RNGTT: variants seen among roughly 807,000 people sequenced by gnomAD.
RNGTT encodes RNA guanylyltransferase and 5'-phosphatase.
A neutral mutation model predicts 79.3 loss-of-function variants in RNGTT; 33 were observed. The ratio of observed to expected loss-of-function variants is 0.42; its 90% CI spans 0.32 to 0.56. RNGTT has a LOEUF of 0.56. Ranked by LOEUF, RNGTT falls within the 20% of genes least tolerant of loss-of-function variation. The pLI, the probability that RNGTT is intolerant of heterozygous loss-of-function variation, is 0.17. For missense variants in RNGTT, 497 were observed against 739.1 expected, an observed-to-expected ratio of 0.67 and a Z score of 3.80; for synonymous variants, 222 against 235.9, an observed-to-expected ratio of 0.94 and a Z score of 0.54.
chr6:88,892,924 T>G (rs1384185151), intron 6 of RNGTT, among the ~76,000 whole-genome samples: 1 of 152,074 alleles, frequency 6.6e-6, no homozygotes, highest in East Asian at 1.9e-4. Context: ...CTAGTCCTAC[T>G]TTTTGTCCCT....
intron 13 of RNGTT, among the ~76,000 whole-genome samples, chr6:88,691,264 T>C (rs1295768347): frequency 6.6e-6 from 1 of 152,184 alleles, no homozygotes; most frequent in Non-Finnish European, 1.5e-5. Context: ...CCATGTAAGA[T>C]GTGCCTCCTT....
intron 1 of RNGTT, among the ~76,000 whole-genome samples, chr6:88,952,810 C>T (rs1785294538): frequency 6.6e-6 from 1 of 152,172 alleles, no homozygotes; most frequent in African/African-American, 2.4e-5. Context: ...CATTCTTCAG[C>T]ACCAGCCTTA....
Position 88,791,641 on chromosome 6 carries a change from G to A in RNGTT, c.1338+9923C>T, listed in dbSNP as rs568729181. On this transcript the variant is annotated intron_variant, in intron 12 of 15. Coordinates refer to ENST00000369485, the MANE Select transcript of RNGTT (RefSeq NM_003800.5). ...TGCAAGCTCCGCCTCCTGGGTTAAC[G>A]CCATTCTCCTGCCTCAGCCTCCTGA... 1.1e-4 allele frequency among the ~76,000 whole-genome samples: 17 copies of A among 152,170 alleles called. 1 individual carries two copies. The South Asian group carries it at 2.7e-3, about 24-fold the overall frequency.
chr6:88,906,631 A>G (rs77241195), intron 4 of RNGTT, among the ~76,000 whole-genome samples, 191 bp from the exon 5 acceptor site: 3,322 of 152,262 alleles, frequency 0.022, 122 homozygotes, highest in African/African-American at 0.076. Flanking sequence ...CTAATTTATA[A>G]CTAGCTAGAA....
chr6:88,767,932 A>G, intron 13 of RNGTT, among the ~76,000 whole-genome samples: 1 of 152,188 alleles, frequency 6.6e-6, no homozygotes, highest in African/African-American at 2.4e-5. Context: ...CAATGTTTAG[A>G]TAAGAGAAAG....
At chr6:88,729,753 G>A (rs934204882) in intron 13 of RNGTT, among the ~76,000 whole-genome samples, 8 of 152,032 alleles carry the variant, frequency 5.3e-5, no homozygotes, top group African/African-American at 9.7e-5. Flanking sequence ...ATGTTATACC[G>A]TCATCCCAAA....
chr6:88,871,683 G>T (rs1782361228), intron 8 of RNGTT, among the ~76,000 whole-genome samples: 1 of 152,120 alleles, frequency 6.6e-6, no homozygotes, highest in South Asian at 2.1e-4. Context: ...CTGGTATGAA[G>T]ATTATTTTAA....
At chr6:88,908,387 G>A (rs748764098) in intron 4 of RNGTT, among the ~76,000 whole-genome samples, 13 of 152,122 alleles carry the variant, frequency 8.5e-5, no homozygotes, top group Non-Finnish European at 1.5e-4. Flanking sequence ...TATCAAGTAA[G>A]CCACCACACT....
At chr6:88,810,042 C>T (rs1780086470) in intron 11 of RNGTT, among the ~76,000 whole-genome samples, 1 of 151,696 alleles carries the variant, frequency 6.6e-6, no homozygotes, top group Admixed American at 6.6e-5. Context: ...AATTAGATAT[C>T]GCCTAACAAA....
intron 1 of RNGTT, among the ~76,000 whole-genome samples, chr6:88,956,900 G>A (rs145532782): frequency 0.015 from 2,249 of 152,144 alleles, 56 homozygotes; most frequent in African/African-American, 0.05. Context: ...TTAGCCAGAC[G>A]TGGTGGCAGG....
chr6:88,907,756 T>TTA (rs1554230159), intron 4 of RNGTT, among the ~76,000 whole-genome samples: 2 of 147,138 alleles, frequency 1.4e-5, no homozygotes, highest in East Asian at 3.9e-4. Context: ...TTTTTTTTTT[T>TTA]AGAGACAGGA....
intron 13 of RNGTT, among the ~76,000 whole-genome samples, chr6:88,732,967 T>G (rs6930535): frequency 0.16 from 23,683 of 152,170 alleles, 2,059 homozygotes; most frequent in Middle Eastern, 0.24. Flanking sequence ...TTTTTATATT[T>G]TACCACACTA....
At chr6:88,811,474 CTA>C (rs10615684) in intron 11 of RNGTT, among the ~76,000 whole-genome samples, 3,049 of 152,240 alleles carry the variant, frequency 0.02, 95 homozygotes, top group African/African-American at 0.069. Context: ...TGTTTTATGT[CTA>C]TGAATCATGA....
chr6:88,692,866 G>A (rs1775532592), intron 13 of RNGTT, among the ~76,000 whole-genome samples: 1 of 151,810 alleles, frequency 6.6e-6, no homozygotes, highest in African/African-American at 2.4e-5. Flanking sequence ...AAAATCTACA[G>A]CTGTTCACAG....
chr6:88,657,890 G>A (rs1774037968), intron 14 of RNGTT, among the ~76,000 whole-genome samples: 1 of 152,170 alleles, frequency 6.6e-6, no homozygotes, highest in Non-Finnish European at 1.5e-5. Context: ...ATGTCCCACA[G>A]TGTCTGCATT....
intron 13 of RNGTT, among the ~76,000 whole-genome samples, chr6:88,760,661 A>G (rs909333664): frequency 2.6e-5 from 4 of 152,186 alleles, no homozygotes; most frequent in Admixed American, 2.6e-4. Flanking sequence ...TTTTAAATAA[A>G]ATATAAATGA....
chr6:88,796,069 G>A (rs927318704), intron 12 of RNGTT, among the ~76,000 whole-genome samples: 1 of 152,180 alleles, frequency 6.6e-6, no homozygotes, highest in African/African-American at 2.4e-5. Flanking sequence ...ACAGTGGCAA[G>A]TCCAAGACAT....
chr6:88,820,714 C>T (rs9451090), intron 11 of RNGTT, among the ~76,000 whole-genome samples: 6,116 of 152,120 alleles, frequency 0.04, 410 homozygotes, highest in African/African-American at 0.14. Flanking sequence ...ACATTAGCAC[C>T]CTCCAAAAAT....
chr6:88,851,756 G>A (rs1170812462), intron 9 of RNGTT, among the ~76,000 whole-genome samples: 1 of 151,766 alleles, frequency 6.6e-6, no homozygotes, highest in African/African-American at 2.4e-5. Flanking sequence ...TGAAAATGTA[G>A]AAGAAACAGG....
Sources: gnomAD v4.1 joint callset for allele counts (sites outside exome capture counted in the v4.1 genomes callset) on GRCh38, gnomAD v4.1.1 for gene constraint, MANE v1.5 for transcripts, NCBI Gene and HGNC (gene_info 2026-07-23, HGNC 2026-07-21) for gene names.